GPC5: variants seen among roughly 807,000 people sequenced by gnomAD.
GPC5 encodes the protein glypican-5.
GPC5 carries 47 observed loss-of-function variants against 53.9 expected under a neutral mutation model. The ratio of observed to expected loss-of-function variants is 0.87; its 90% CI spans 0.69 to 1.11. GPC5 has a LOEUF of 1.11. GPC5 is among the 50% of genes most tolerant of loss of function. The pLI, the probability that GPC5 is intolerant of heterozygous loss-of-function variation, is 0.00. For synonymous variants in GPC5, 286 were observed against 263.3 expected (o/e 1.09, Z -0.84); for missense variants, 748 against 713.1 (o/e 1.05, Z -0.56).
At chr13:92,204,708 A>G (rs1555319012) in intron 7 of GPC5, among the ~76,000 whole-genome samples, 1 of 152,224 alleles carries the variant, frequency 6.6e-6, no homozygotes, top group Non-Finnish European at 1.5e-5. Context: ...CCAAAGGAAG[A>G]AACACATAGG....
At chr13:92,180,775 T>C in intron 7 of GPC5, 1 of 219,952 alleles carries the variant, frequency 4.5e-6, no homozygotes, top group Non-Finnish European at 9.2e-6. Context: ...CGTTCACCAC[T>C]AATTTCCCAT....
At chr13:92,654,269 A>T (rs1041900172) in intron 7 of GPC5, among the ~76,000 whole-genome samples, 5 of 152,278 alleles carry the variant, frequency 3.3e-5, no homozygotes, top group Non-Finnish European at 4.4e-5. Context: ...TTGGTTTTTT[A>T]AAAAAACTGT....
At chr13:92,151,332 C>T (rs967535365) in intron 7 of GPC5, among the ~76,000 whole-genome samples, 7 of 152,004 alleles carry the variant, frequency 4.6e-5, no homozygotes, top group Non-Finnish European at 7.4e-5. Context: ...ATTTCTTACC[C>T]GCCTACAGAT....
chr13:91,989,575 C>A (rs1232344981), intron 6 of GPC5, among the ~76,000 whole-genome samples: 1 of 152,016 alleles, frequency 6.6e-6, no homozygotes, highest in African/African-American at 2.4e-5. Flanking sequence ...GGATTACATA[C>A]AAATCTAGTG....
At chr13:92,306,815 T>A (rs2043113550) in intron 7 of GPC5, among the ~76,000 whole-genome samples, 2 of 152,190 alleles carry the variant, frequency 1.3e-5, no homozygotes, top group Admixed American at 6.5e-5. Context: ...GTTAAACATC[T>A]CAAAAGAAGG....
At chr13:92,140,844 T>A (rs1019359368) in intron 6 of GPC5, among the ~76,000 whole-genome samples, 7 of 152,114 alleles carry the variant, frequency 4.6e-5, no homozygotes, top group African/African-American at 1.4e-4. Flanking sequence ...GTAGAGTTCA[T>A]CTCACTTCCA....
intron 7 of GPC5, among the ~76,000 whole-genome samples, chr13:92,590,646 C>T (rs770428687): frequency 2.6e-5 from 4 of 152,096 alleles, no homozygotes; most frequent in African/African-American, 7.2e-5. Flanking sequence ...AGGACTCCTC[C>T]GTCAATTCAA....
Position 91,975,127 on chromosome 13 carries a change from G to T in GPC5, c.1401+67070G>T, listed in dbSNP as rs572210839. On this transcript the variant is annotated intron_variant, in intron 6 of 7. Transcript: ENST00000377067. Reference sequence around the variant, plus strand: ...CTTATACAAAAATTAATTCAAGATGGATTAAAGACTTAAACGTTAGACCTA... The same window carrying T: ...CTTATACAAAAATTAATTCAAGATGTATTAAAGACTTAAACGTTAGACCTA... 6.1e-3 allele frequency among the ~76,000 whole-genome samples: 927 copies of T among 152,202 alleles called. 9 individuals are homozygous for T. The highest frequency in any genetic ancestry group is 0.021 in the African/African-American group (878 of 41,504).
At chr13:91,816,150 G>T (rs140932458) in intron 5 of GPC5, among the ~76,000 whole-genome samples, 1 of 152,088 alleles carries the variant, frequency 6.6e-6, no homozygotes, top group Non-Finnish European at 1.5e-5. Context: ...ATGATTTACT[G>T]TGTGTAATTT....
At chr13:91,891,213 G>T (rs1159581458) in intron 5 of GPC5, among the ~76,000 whole-genome samples, 1 of 151,906 alleles carries the variant, frequency 6.6e-6, no homozygotes, top group East Asian at 1.9e-4. Context: ...ATTTTTTTTA[G>T]AAACAACTTT....
intron 6 of GPC5, among the ~76,000 whole-genome samples, chr13:92,011,543 A>T (rs2040661513): frequency 6.6e-6 from 1 of 152,176 alleles, no homozygotes; most frequent in African/African-American, 2.4e-5. Context: ...TAGCCATCTT[A>T]GTCCCAGATC....
intron 2 of GPC5, among the ~76,000 whole-genome samples, chr13:91,535,288 T>C (rs1424573508): frequency 1.3e-5 from 2 of 152,220 alleles, no homozygotes; most frequent in Non-Finnish European, 2.9e-5. Flanking sequence ...CTGCATTATG[T>C]ACTCTAAACC....
intron 2 of GPC5, among the ~76,000 whole-genome samples, chr13:91,564,449 G>A (rs1237027060): frequency 1.3e-5 from 2 of 152,082 alleles, no homozygotes; most frequent in African/African-American, 4.8e-5. Context: ...TTGTTTTGGG[G>A]CTTTATACTT....
At chr13:92,655,630 C>G (rs987616546) in intron 7 of GPC5, among the ~76,000 whole-genome samples, 1 of 152,094 alleles carries the variant, frequency 6.6e-6, no homozygotes, top group Non-Finnish European at 1.5e-5. Flanking sequence ...CGTGAGCCAC[C>G]GCACCTGTTC....
At chr13:91,984,466 A>G (rs1256014096) in intron 6 of GPC5, among the ~76,000 whole-genome samples, 5 of 152,218 alleles carry the variant, frequency 3.3e-5, no homozygotes, top group African/African-American at 7.2e-5. Flanking sequence ...TTGATTGTAC[A>G]GCACATCATC....
chr13:91,711,568 C>T lies in GPC5; in HGVS notation c.1021-16964C>T, dbSNP rs770470568. Among the ~76,000 whole-genome samples, 13 of 152,042 alleles carry T rather than the reference C, an allele frequency of 8.6e-5. 1 individual carries two copies. The highest frequency in any genetic ancestry group is 2.6e-4 in the Admixed American group (4 of 15,260). On this transcript the variant is annotated intron_variant, in intron 3 of 7. Transcript: ENST00000377067. ...TGTATACATATGTATCAAACCTGCA[C>T]GTTGTGCACATGTACCCTAGAAGTT...
At chr13:91,909,127 T>G (rs1302925534) in intron 6 of GPC5, among the ~76,000 whole-genome samples, 3 of 152,178 alleles carry the variant, frequency 2.0e-5, no homozygotes, top group Non-Finnish European at 4.4e-5. Context: ...CTACCATTGA[T>G]ACCTGTAGAA....
intron 2 of GPC5, among the ~76,000 whole-genome samples, chr13:91,460,465 T>G (rs767134366): frequency 3.3e-5 from 5 of 151,834 alleles, no homozygotes; most frequent in Non-Finnish European, 5.9e-5. Context: ...ACCCGGCTAA[T>G]TTATTTTTGT....
At chr13:92,772,312 G>T (rs1021595157) in intron 7 of GPC5, among the ~76,000 whole-genome samples, 1 of 151,962 alleles carries the variant, frequency 6.6e-6, no homozygotes, top group Non-Finnish European at 1.5e-5. Flanking sequence ...TTATACACAG[G>T]GATATAAAGA....
Sources: gnomAD v4.1 joint callset for allele counts (sites outside exome capture counted in the v4.1 genomes callset) on GRCh38, gnomAD v4.1.1 for gene constraint, MANE v1.5 for transcripts, NCBI Gene and HGNC (gene_info 2026-07-23, HGNC 2026-07-21) for gene names.